Variants in CBX5 observed in about 807,000 individuals in gnomAD.
CBX5 encodes chromobox protein homolog 5.
Under a neutral mutation model 20.7 loss-of-function variants are expected in CBX5, and 7 were observed. The observed-to-expected ratio is 0.34, with a 90% confidence interval of 0.19 to 0.63. The LOEUF is 0.63. Ranked by LOEUF, CBX5 falls within the 30% of genes least tolerant of loss-of-function variation. The pLI is 0.75. For missense variants in CBX5, 110 were observed against 224.1 expected (o/e 0.49, Z 3.25); for synonymous variants, 78 against 77.0 (o/e 1.01, Z -0.07).
chr12:54,277,039 C>T (rs1944076530), intron 1 of CBX5: 1 of 151,686 alleles, frequency 6.6e-6, no homozygotes. Flanking sequence ...GTGGTAAAAA[C>T]TTTTTTTTTC....
At chr12:54,249,111 C>T (rs944280784) in intron 3 of CBX5, among the ~76,000 whole-genome samples, 1 of 152,178 alleles carries the variant, frequency 6.6e-6, no homozygotes, top group Non-Finnish European at 1.5e-5. Context: ...TGGCTCATGC[C>T]TGTAATCACA....
chr12:54,259,911 G>C (rs1489528328), intron 1 of CBX5, among the ~76,000 whole-genome samples: 1 of 152,136 alleles, frequency 6.6e-6, no homozygotes, highest in Admixed American at 6.5e-5. Flanking sequence ...TGAAGGGGGA[G>C]GGGAAAGGCT....
rs1943625429 is a variant in CBX5, at chr12:54,236,609, C to A, written c.*5146G>T. 6.6e-6 allele frequency: 1 copy of A among 152,202 alleles called. No individual in the cohort carries two copies. The highest frequency in any genetic ancestry group is 6.5e-5 in the Admixed American group (1 of 15,286). The allele number at this position is 152,202 out of a possible 1,614,324, so 9.4% of individuals were successfully genotyped here. A position where few individuals can be genotyped will look rare whatever the true frequency, so the allele number is the denominator to read the frequency against. The stretch of plus-strand genomic sequence containing the variant: ...ACAGGCATGCTTGGTGGTCTGATTA[C>A]AAAAGTACGGATCTCAACACTATAT... On this transcript the variant is annotated 3_prime_UTR_variant, in exon 5 of 5. Transcript: ENST00000209875.
intron 1 of CBX5, among the ~76,000 whole-genome samples, chr12:54,275,273 C>T (rs897317385): frequency 3.3e-5 from 5 of 152,000 alleles, no homozygotes; most frequent in African/African-American, 1.2e-4. Context: ...GAGACAGTCT[C>T]GCTCTGTCAC....
chr12:54,239,068 T>C lies in CBX5; in HGVS notation c.*2687A>G, dbSNP rs1280581602. Reference sequence around the variant, plus strand: ...CCTTTGTGCTAAGGGCTGAAATCAATACTGGCCTCTGGCTCCCTACATTCC... The same window carrying C: ...CCTTTGTGCTAAGGGCTGAAATCAACACTGGCCTCTGGCTCCCTACATTCC... On this transcript the variant is annotated 3_prime_UTR_variant, in exon 5 of 5. Coordinates refer to ENST00000209875, the MANE Select transcript of CBX5 (RefSeq NM_012117.3). 1.3e-5 allele frequency: 2 copies of C among 152,184 alleles called. No homozygotes were observed. Among genetic ancestry groups the C allele is most frequent in the Non-Finnish European group, 2.9e-5 (2 of 68,038 alleles). The allele number at this position is 152,184 out of a possible 1,614,324, so 9.4% of individuals were successfully genotyped here.
intron 3 of CBX5, among the ~76,000 whole-genome samples, chr12:54,249,429 A>ATT (rs200474259): frequency 0.021 from 3,041 of 142,634 alleles, 114 homozygotes; most frequent in African/African-American, 0.073. Context: ...GGCACTGGAG[A>ATT]TTTTTTTTTT....
chr12:54,245,503 A>C lies in CBX5; in HGVS notation c.425+612T>G, dbSNP rs1324725962. The stretch of plus-strand genomic sequence containing the variant: ...AAAACCCCGACTCTACTAAAAATAC[A>C]AAAATGGGCCAGGCGCAGTGGCTCA... On this transcript the variant is annotated intron_variant, in intron 4 of 4. Transcript: ENST00000209875. Among the ~76,000 whole-genome samples, 5 of 152,280 alleles carry C rather than the reference A, an allele frequency of 3.3e-5. No individual in the cohort carries two copies. The South Asian group carries it at 8.3e-4, about 25-fold the overall frequency.
At chr12:54,279,526 T>A (rs1487697436) in intron 1 of CBX5, among the ~76,000 whole-genome samples, 1 of 152,104 alleles carries the variant, frequency 6.6e-6, no homozygotes, top group Non-Finnish European at 1.5e-5. Flanking sequence ...AAGACCTCCC[T>A]CTTTTGGAGA....
intron 1 of CBX5, among the ~76,000 whole-genome samples, chr12:54,260,610 G>A (rs1197720824): frequency 1.3e-5 from 2 of 151,030 alleles, no homozygotes; most frequent in Non-Finnish European, 2.9e-5. Flanking sequence ...CCACTTATAG[G>A]TTGCTCTATA....
chr12:54,243,922 A>G (rs1449599183), intron 4 of CBX5, among the ~76,000 whole-genome samples: 2 of 152,140 alleles, frequency 1.3e-5, no homozygotes, highest in Non-Finnish European at 1.5e-5. Context: ...CTGACAGAAT[A>G]TGGCAATTCT....
intron 4 of CBX5, among the ~76,000 whole-genome samples, chr12:54,244,303 C>T (rs536795155): frequency 2.0e-5 from 3 of 151,810 alleles, no homozygotes; most frequent in Non-Finnish European, 4.4e-5. Context: ...TGAGCCACCA[C>T]GCCCGGCCTT....
intron 4 of CBX5, among the ~76,000 whole-genome samples, chr12:54,244,151 G>A (rs1366211357): frequency 8.0e-5 from 12 of 150,590 alleles, no homozygotes; most frequent in Admixed American, 4.6e-4. Flanking sequence ...ACAGGCGCCT[G>A]CCACCAAGCC....
At chr12:54,241,929 T>C in intron 4 of CBX5, 24 bp from the exon 5 acceptor site, 1 of 1,606,256 alleles carries the variant, frequency 6.2e-7, no homozygotes, top group Non-Finnish European at 8.5e-7. Context: ...ATATGAGACT[T>C]AAAAGGAGAG....
chr12:54,275,185 T>C (rs1944049526), intron 1 of CBX5, among the ~76,000 whole-genome samples: 1 of 152,184 alleles, frequency 6.6e-6, no homozygotes, highest in Non-Finnish European at 1.5e-5. Flanking sequence ...TCAGACAGAA[T>C]ATATTCCCCT....
At chr12:54,248,921 G>A (rs1340996409) in intron 3 of CBX5, among the ~76,000 whole-genome samples, 1 of 152,128 alleles carries the variant, frequency 6.6e-6, no homozygotes, top group Non-Finnish European at 1.5e-5. Context: ...AGCCAGTACT[G>A]CTAAGAATGC....
At chr12:54,260,294 T>C (rs1446666503) in intron 1 of CBX5, among the ~76,000 whole-genome samples, 1 of 151,542 alleles carries the variant, frequency 6.6e-6, no homozygotes, top group Non-Finnish European at 1.5e-5. Context: ...TGCTCAAGAC[T>C]AGCCTGACCA....
chr12:54,258,342 G>T (rs1056451312), intron 1 of CBX5: 11 of 152,192 alleles, frequency 7.2e-5, no homozygotes, highest in Non-Finnish European at 1.5e-4. Flanking sequence ...TTGGGGATGG[G>T]AGGGAGGCAG....
At chr12:54,263,447 A>T (rs553989129) in intron 1 of CBX5, among the ~76,000 whole-genome samples, 2 of 152,010 alleles carry the variant, frequency 1.3e-5, no homozygotes, top group South Asian at 2.1e-4. Context: ...CAGAAAAACA[A>T]GAGGTAGGCC....
chr12:54,261,343 C>T (rs1237973840), intron 1 of CBX5, among the ~76,000 whole-genome samples: 1 of 151,148 alleles, frequency 6.6e-6, no homozygotes, highest in East Asian at 2.0e-4. Flanking sequence ...TGTCACCAGG[C>T]TAGAGTGCTG....
Sources: allele counts gnomAD v4.1 joint callset (sites outside exome capture counted in the v4.1 genomes callset), GRCh38; gene constraint gnomAD v4.1.1; transcripts MANE v1.5; gene names NCBI Gene and HGNC (gene_info 2026-07-23, HGNC 2026-07-21).